The following RYR3 variants were observed in gnomAD, a reference collection of about 807,000 sequenced individuals.
The protein encoded by RYR3 is ryanodine receptor 3.
In RYR3, 207 loss-of-function variants were observed where a neutral mutation model predicts 584.3. That is an observed-to-expected ratio of 0.35 (90% confidence interval 0.32 to 0.40). The LOEUF is 0.40. Among genes scored for constraint, RYR3 ranks in the 10% least tolerant of loss-of-function variants. The pLI, the probability that RYR3 is intolerant of heterozygous loss-of-function variation, is 1.00. For synonymous variants in RYR3, 2,416 were observed against 2,248.5 expected, an observed-to-expected ratio of 1.07 and a Z score of -2.11; for missense variants, 5,616 against 6,089.2, an observed-to-expected ratio of 0.92 and a Z score of 2.59.
At position 33,475,457 on chromosome 15, in the gene RYR3, A is replaced by T. The variant is rs140474199; in HGVS notation, c.171+1919A>T. ...TTCTCATAAGGAGCGTGCAACCTAGATCCCTCACGTGCACAGCTCACATTA... is the reference window on the plus strand; with the variant it reads ...TTCTCATAAGGAGCGTGCAACCTAGTTCCCTCACGTGCACAGCTCACATTA... On this transcript the variant is annotated intron_variant, in intron 2 of 103. Transcript: ENST00000634891. 4.8e-3 allele frequency among the ~76,000 whole-genome samples: 738 copies of T among 152,180 alleles called. 5 individuals are homozygous for T. The highest frequency in any genetic ancestry group is 0.017 in the African/African-American group (702 of 41,512).
intron 32 of RYR3, among the ~76,000 whole-genome samples, chr15:33,657,411 C>A (rs1008018742): frequency 1.3e-5 from 2 of 152,220 alleles, no homozygotes; most frequent in Non-Finnish European, 2.9e-5. Context: ...CCTACTGGTC[C>A]AGATGAAGTT....
chr15:33,822,909 C>A, intron 80 of RYR3, 87 bp from the exon 81 acceptor site: 1 of 1,036,260 alleles, frequency 9.7e-7, no homozygotes, highest in Non-Finnish European at 1.4e-6. Flanking sequence ...CTCAGTGTGG[C>A]TGGGGATTTC....
intron 36 of RYR3, among the ~76,000 whole-genome samples, chr15:33,664,594 T>TATATATATATATATATAG (rs2063377091): frequency 8.0e-6 from 1 of 124,264 alleles, no homozygotes; most frequent in African/African-American, 3.7e-5. Context: ...TGTGTGTATA[T>TATATATATATATATATAG]ATATATATAT....
At chr15:33,440,343 A>C (rs2046116268) in intron 1 of RYR3, among the ~76,000 whole-genome samples, 1 of 152,210 alleles carries the variant, frequency 6.6e-6, no homozygotes, top group African/African-American at 2.4e-5. Flanking sequence ...TAAACAAGGA[A>C]GTACATAGGT....
chr15:33,499,278 C>G (rs2572160), intron 2 of RYR3, among the ~76,000 whole-genome samples: 91,124 of 150,020 alleles, frequency 0.61, 27,782 homozygotes, highest in Middle Eastern at 0.7. Context: ...TGTCTTCCAT[C>G]CTTTTCTCCC....
chr15:33,795,806 C>T (rs1472874974), intron 67 of RYR3, among the ~76,000 whole-genome samples: 2 of 152,176 alleles, frequency 1.3e-5, no homozygotes, highest in Non-Finnish European at 2.9e-5. Context: ...GCTGGGATTA[C>T]AGGCATGAGC....
chr15:33,688,490 G>A (rs187811138), intron 38 of RYR3, among the ~76,000 whole-genome samples: 191 of 151,206 alleles, frequency 1.3e-3, no homozygotes, highest in African/African-American at 4.0e-3. Context: ...GGAGAATGGC[G>A]TGGACCCGGG....
At chr15:33,572,708 C>T (rs925491353) in intron 12 of RYR3, among the ~76,000 whole-genome samples, 23 of 142,340 alleles carry the variant, frequency 1.6e-4, no homozygotes, top group African/African-American at 6.0e-4. Context: ...GGCACAATGG[C>T]TCACGCCTGT....
chr15:33,641,183 G>A (rs147793385), intron 27 of RYR3, among the ~76,000 whole-genome samples: 207 of 152,300 alleles, frequency 1.4e-3, no homozygotes, highest in African/African-American at 4.7e-3. Flanking sequence ...TAGCTTAGAC[G>A]ACAATTAGAA....
At chr15:33,434,965 C>T (rs1235657215) in intron 1 of RYR3, among the ~76,000 whole-genome samples, 1 of 151,960 alleles carries the variant, frequency 6.6e-6, no homozygotes, top group Non-Finnish European at 1.5e-5. Context: ...CTACAGGTGC[C>T]CACCACCATG....
At chr15:33,844,658 TC>T (rs1484225131) in intron 92 of RYR3, among the ~76,000 whole-genome samples, 1 of 152,254 alleles carries the variant, frequency 6.6e-6, no homozygotes, top group East Asian at 1.9e-4. Flanking sequence ...AGGTTTTGTC[TC>T]CTTTTTAAAA....
At chr15:33,430,988 A>G (rs929904220) in intron 1 of RYR3, among the ~76,000 whole-genome samples, 1 of 152,170 alleles carries the variant, frequency 6.6e-6, no homozygotes, top group Non-Finnish European at 1.5e-5. Flanking sequence ...ATTACTGCTT[A>G]GAGGAACAAC....
chr15:33,846,924 T>C (rs547064978), intron 93 of RYR3: 1 of 152,216 alleles, frequency 6.6e-6, no homozygotes, highest in African/African-American at 2.4e-5. Context: ...TTCAGCTTAT[T>C]AGATGGAGTA....
chr15:33,823,117 C>T, intron 81 of RYR3, 45 bp downstream of exon 81: 1 of 1,545,384 alleles, frequency 6.5e-7, no homozygotes, highest in Non-Finnish European at 8.9e-7. Context: ...ACTCTTCCCT[C>T]TAAGCATAGG....
At chr15:33,592,318 T>A (rs1327669192) in intron 16 of RYR3, among the ~76,000 whole-genome samples, 1 of 152,220 alleles carries the variant, frequency 6.6e-6, no homozygotes. Flanking sequence ...CATGTTAACA[T>A]GAGGGCTCTG....
chr15:33,799,856 A>C (rs1464614377), intron 67 of RYR3, among the ~76,000 whole-genome samples: 1 of 152,182 alleles, frequency 6.6e-6, no homozygotes, highest in Non-Finnish European at 1.5e-5. Context: ...CAGTGTCTGA[A>C]GAGTTGAAGA....
intron 1 of RYR3, among the ~76,000 whole-genome samples, chr15:33,456,624 A>G (rs16971194): frequency 0.064 from 9,688 of 152,042 alleles, 1,035 homozygotes; most frequent in African/African-American, 0.21. Flanking sequence ...TCCATCCCTT[A>G]TCTTGGTTTG....
At chr15:33,490,609 A>G (rs1297454719) in intron 2 of RYR3, among the ~76,000 whole-genome samples, 2 of 152,152 alleles carry the variant, frequency 1.3e-5, no homozygotes, top group Admixed American at 6.5e-5. Context: ...GGTTCAAACA[A>G]TTTAACTTCT....
rs183464547 is a variant in RYR3, at chr15:33,660,199, C to T, written c.4398C>T (p.Asn1466=). 286 of 1,550,200 alleles carry T rather than the reference C, an allele frequency of 1.8e-4. No individual in the cohort carries two copies. The highest frequency in any genetic ancestry group is 5.0e-4 in the Middle Eastern group (3 of 5,988). The change falls in exon 34 of 104, where the codon AAC becomes AAT. Residue 1466 remains asparagine (N), a splice_region_variant and synonymous_variant. Coordinates refer to ENST00000634891, the MANE Select transcript of RYR3 (RefSeq NM_001036.6). ...LFQFELGKLK[N]AMPLSAAIFR... Reference sequence around the variant, plus strand: ...AATGCCTTTCCCACGTGCCCCAGAACGCAATGCCCCTGTCAGCGGCCATAT... The same window carrying T: ...AATGCCTTTCCCACGTGCCCCAGAATGCAATGCCCCTGTCAGCGGCCATAT...
Sources: gnomAD v4.1 joint callset for allele counts (sites outside exome capture counted in the v4.1 genomes callset) on GRCh38, gnomAD v4.1.1 for gene constraint, MANE v1.5 for transcripts, NCBI Gene and HGNC (gene_info 2026-07-23, HGNC 2026-07-21) for gene names.